ACKR3: variants seen among roughly 807,000 people sequenced by gnomAD.
ACKR3 encodes C-X-C chemokine receptor type 7.
A neutral mutation model predicts 22.4 loss-of-function variants in ACKR3; 6 were observed. The observed-to-expected ratio is 0.27, with a 90% CI of 0.15 to 0.53. ACKR3 has a LOEUF of 0.53. ACKR3 is among the 20% of genes least tolerant of loss of function. ACKR3 has a pLI of 0.96. For missense variants in ACKR3, 396 were observed against 475.2 expected (o/e 0.83, Z 1.55); for synonymous variants, 209 against 205.2 (o/e 1.02, Z -0.16).
the ACKR3 span, among the ~76,000 whole-genome samples, chr2:236,555,073 C>A: frequency 1.3e-5 from 2 of 152,224 alleles, no homozygotes; most frequent in Non-Finnish European, 2.9e-5. Context: ...GCATCCACAG[C>A]GGCAGGTGGC....
intron 1 of ACKR3, among the ~76,000 whole-genome samples, chr2:236,570,550 C>T (rs1691287634): frequency 6.6e-6 from 1 of 152,210 alleles, no homozygotes; most frequent in South Asian, 2.1e-4. Context: ...CTTCTCTTCT[C>T]TTGATGGCAC....
chr2:236,556,905 C>T, the ACKR3 span, among the ~76,000 whole-genome samples: 1 of 152,202 alleles, frequency 6.6e-6, no homozygotes, highest in Non-Finnish European at 1.5e-5. Context: ...CCAGGCTGAT[C>T]TCGAGCTCCT....
chr2:236,576,338 G>T (rs1307529975), intron 1 of ACKR3, among the ~76,000 whole-genome samples: 2 of 152,222 alleles, frequency 1.3e-5, no homozygotes, highest in Non-Finnish European at 2.9e-5. Flanking sequence ...TGTGCGGAAT[G>T]CAGTCAGCTC....
At chr2:236,566,352 G>T (rs999498261), upstream of ACKR3, among the ~76,000 whole-genome samples, 6 of 152,234 alleles carry the variant, frequency 3.9e-5, no homozygotes, top group African/African-American at 1.4e-4. Flanking sequence ...TGGGACAGCG[G>T]TAGGGACAGC....
chr2:236,571,375 G>A (rs982661998), intron 1 of ACKR3, among the ~76,000 whole-genome samples: 1 of 152,140 alleles, frequency 6.6e-6, no homozygotes, highest in Non-Finnish European at 1.5e-5. Context: ...GTGGGAAAGC[G>A]AAGGAAGATG....
At chr2:236,568,959 C>A (rs979846332), upstream of ACKR3, among the ~76,000 whole-genome samples, 3 of 152,186 alleles carry the variant, frequency 2.0e-5, no homozygotes, top group African/African-American at 7.2e-5. Context: ...GGGTCCCTAT[C>A]TTATGGACGA....
At chr2:236,538,934 C>G in the ACKR3 span, among the ~76,000 whole-genome samples, 2 of 152,142 alleles carry the variant, frequency 1.3e-5, no homozygotes, top group Non-Finnish European at 2.9e-5. Flanking sequence ...AAAGTAGGCG[C>G]GGACAGGCTG....
the ACKR3 span, among the ~76,000 whole-genome samples, chr2:236,544,261 T>C: frequency 5.3e-5 from 8 of 151,976 alleles, no homozygotes; most frequent in Non-Finnish European, 1.2e-4. The surrounding 1 kb of genome is among the most constrained non-coding windows in gnomAD (Gnocchi z 5.0). Context: ...GTGTTGGGAT[T>C]ACAGGCGTGA....
At chr2:236,562,845 A>G (rs895470517), upstream of ACKR3, among the ~76,000 whole-genome samples, 3 of 152,128 alleles carry the variant, frequency 2.0e-5, no homozygotes, top group East Asian at 5.8e-4. Flanking sequence ...AATGGGGACC[A>G]TGTGTTTTGG....
At chr2:236,544,291 T>C in the ACKR3 span, among the ~76,000 whole-genome samples, 2 of 151,514 alleles carry the variant, frequency 1.3e-5, no homozygotes, top group Non-Finnish European at 2.9e-5. This position sits in a 1 kb window ranked among gnomAD's most constrained non-coding sequence, Gnocchi z 5.0. Flanking sequence ...CCCGGAGGGG[T>C]TCATATCTTT....
At chr2:236,555,553 C>G in the ACKR3 span, among the ~76,000 whole-genome samples, 3 of 152,208 alleles carry the variant, frequency 2.0e-5, no homozygotes, top group South Asian at 6.2e-4. Context: ...AAGAAATGAG[C>G]CCTAAAAGCT....
chr2:236,573,317 T>C (rs1311948563), intron 1 of ACKR3, among the ~76,000 whole-genome samples: 6 of 152,194 alleles, frequency 3.9e-5, no homozygotes, highest in East Asian at 3.8e-4. Flanking sequence ...AGAGGTGTTA[T>C]CTGCTCAAGG....
At chr2:236,561,653 GGC>G in the ACKR3 span, among the ~76,000 whole-genome samples, 1 of 152,020 alleles carries the variant, frequency 6.6e-6, no homozygotes, top group Non-Finnish European at 1.5e-5. Context: ...CACCATGCCT[GGC>G]TAATTTTTGT....
chr2:236,564,750 A>AT (rs1691145319), upstream of ACKR3, among the ~76,000 whole-genome samples: 1 of 151,976 alleles, frequency 6.6e-6, no homozygotes, highest in Non-Finnish European at 1.5e-5. Flanking sequence ...TTAAGAATAT[A>AT]TTTTTTCTGT....
intron 1 of ACKR3, among the ~76,000 whole-genome samples, chr2:236,578,433 ACT>A (rs1559473039): frequency 6.6e-6 from 1 of 152,074 alleles, no homozygotes; most frequent in Non-Finnish European, 1.5e-5. Context: ...CTAGTGGGTG[ACT>A]CTGAGGACGG....
the ACKR3 span, among the ~76,000 whole-genome samples, chr2:236,540,528 A>AT: frequency 5.9e-5 from 9 of 151,916 alleles, no homozygotes; most frequent in African/African-American, 1.9e-4. Context: ...CAAATTTGTC[A>AT]TTTTTTACAT....
At chr2:236,575,138 C>T (rs754428402) in intron 1 of ACKR3, among the ~76,000 whole-genome samples, 9 of 152,056 alleles carry the variant, frequency 5.9e-5, no homozygotes, top group Non-Finnish European at 1.0e-4. Flanking sequence ...CAACATGAAC[C>T]TCGATTGTTC....
At chr2:236,543,053 G>A in the ACKR3 span, among the ~76,000 whole-genome samples, 2 of 152,182 alleles carry the variant, frequency 1.3e-5, no homozygotes, top group South Asian at 2.1e-4. Flanking sequence ...ATGACAGTTG[G>A]GTGCAATCAA....
the ACKR3 span, among the ~76,000 whole-genome samples, chr2:236,543,950 T>C: frequency 7.0e-5 from 3 of 42,802 alleles, no homozygotes; most frequent in South Asian, 6.9e-4. Flanking sequence ...GGTATATATA[T>C]ATATATATAT....
Sources: allele counts gnomAD v4.1 joint callset (sites outside exome capture counted in the v4.1 genomes callset), GRCh38; gene constraint gnomAD v4.1.1; non-coding constraint Gnocchi (gnomAD v3.1); transcripts MANE v1.5; gene names NCBI Gene and HGNC (gene_info 2026-07-23, HGNC 2026-07-21).